Variants in SF3B3 observed in about 807,000 individuals in gnomAD.
The protein encoded by SF3B3 is splicing factor 3b subunit 3, also known as SAP 130.
SF3B3 carries 33 observed loss-of-function variants against 139.2 expected under a neutral mutation model. The observed-to-expected ratio is 0.24, with a 90% CI of 0.18 to 0.32. The LOEUF is 0.32. SF3B3 is among the 10% of genes least tolerant of loss of function. The pLI is 1.00. For missense variants in SF3B3, 818 were observed against 1,509.4 expected (o/e 0.54, Z 7.59); for synonymous variants, 596 against 563.6 (o/e 1.06, Z -0.81).
chr16:70,540,498 A>C (rs2050209454), intron 8 of SF3B3, among the ~76,000 whole-genome samples: 1 of 152,044 alleles, frequency 6.6e-6, no homozygotes, highest in Non-Finnish European at 1.5e-5. Context: ...GCTCAAGGTG[A>C]TCCTTCCATC....
chr16:70,548,531 A>G, intron 11 of SF3B3, 89 bp downstream of exon 11: 1 of 1,150,280 alleles, frequency 8.7e-7, no homozygotes, highest in Non-Finnish European at 1.3e-6. Flanking sequence ...ATACTTCTGT[A>G]TCATTTCATT....
intron 4 of SF3B3, among the ~76,000 whole-genome samples, chr16:70,531,313 T>C (rs1302595629): frequency 6.6e-6 from 1 of 152,182 alleles, no homozygotes; most frequent in African/African-American, 2.4e-5. Context: ...ATACCTTTTT[T>C]TCTTTTTTTT....
chr16:70,557,072 G>A (rs1174431206), intron 15 of SF3B3, 43 bp downstream of exon 15: 1 of 1,547,922 alleles, frequency 6.5e-7, no homozygotes, highest in South Asian at 1.2e-5. Flanking sequence ...TAGGCCTTCT[G>A]TACGTTTCAC....
intron 17 of SF3B3, among the ~76,000 whole-genome samples, chr16:70,562,739 C>T (rs957643443): frequency 2.6e-5 from 4 of 152,130 alleles, no homozygotes; most frequent in African/African-American, 9.7e-5. Flanking sequence ...GAACTTACTT[C>T]CCCCCAAAAC....
intron 10 of SF3B3, among the ~76,000 whole-genome samples, chr16:70,545,979 TTTTG>T (rs919017346): frequency 6.6e-6 from 1 of 152,160 alleles, no homozygotes; most frequent in Non-Finnish European, 1.5e-5. Context: ...GTTTTTGGTT[TTTTG>T]TTGTTGTTGT....
intron 15 of SF3B3, among the ~76,000 whole-genome samples, chr16:70,558,524 A>G (rs1438924667): frequency 6.6e-6 from 1 of 152,088 alleles, no homozygotes. Context: ...TTTTAAACCA[A>G]GTCTGAAATC....
Position 70,535,750 on chromosome 16 carries a change from G to GT in SF3B3, c.825+343dup, listed in dbSNP as rs566256558. 2.0e-3 allele frequency among the ~76,000 whole-genome samples: 286 copies of GT among 141,870 alleles called. 1 individual carries two copies. Among genetic ancestry groups the GT allele is most frequent in the South Asian group, 0.012 (54 of 4,486 alleles). 93.1% of individuals were successfully genotyped at this position (141,870 alleles called of 152,430 possible). A position where few individuals can be genotyped will look rare whatever the true frequency, so the allele number is the denominator to read the frequency against. ...GATAGGTTGCCTTTTATTCTATTTGGTTTTTTTTTTTTTCCAACATTTTTA... is the reference window on the plus strand; with the variant it reads ...GATAGGTTGCCTTTTATTCTATTTGGTTTTTTTTTTTTTTCCAACATTTTTA... On this transcript the variant is annotated intron_variant, in intron 6 of 25. Coordinates refer to ENST00000302516, the MANE Select transcript of SF3B3 (RefSeq NM_012426.5).
intron 10 of SF3B3, among the ~76,000 whole-genome samples, chr16:70,544,789 C>T (rs1039895908): frequency 2.0e-5 from 3 of 151,118 alleles, no homozygotes; most frequent in Non-Finnish European, 4.4e-5. Context: ...CTCTTGAGCT[C>T]AAGTGATTAT....
rs2050132471 is a variant in SF3B3, at chr16:70,532,637, G to T, written c.712+17G>T. ...TTATTACAGGTACTTTTCTTTCAGA[G>T]CTGCTTTGTACCCTTTTACTTGGTT... On this transcript the variant is annotated intron_variant, in intron 5 of 25. Coordinates refer to ENST00000302516, the MANE Select transcript of SF3B3 (RefSeq NM_012426.5). 6.2e-7 allele frequency: 1 copy of T among 1,613,464 alleles called. No homozygotes were observed. The highest frequency in any genetic ancestry group is 8.5e-7 in the Non-Finnish European group (1 of 1,179,554).
intron 10 of SF3B3, among the ~76,000 whole-genome samples, chr16:70,547,027 C>A (rs201655739): frequency 1.3e-5 from 2 of 148,800 alleles, no homozygotes. Context: ...GACTCCGTCT[C>A]AAAAAAAAAA....
intron 15 of SF3B3, among the ~76,000 whole-genome samples, chr16:70,557,714 G>A (rs574725065): frequency 2.2e-4 from 33 of 151,692 alleles, no homozygotes; most frequent in African/African-American, 6.5e-4. Context: ...ATGGGTTTTC[G>A]GTCTATTTTT....
Position 70,541,826 on chromosome 16 carries a change from T to G in SF3B3, c.1225T>G (p.Phe409Val). ...DELDSLSPIL[F>V]CQIADLANED... ...GTTGGACAGCCTCTCTCCCATTCTG[T>G]TTTGCCAGGTTGGTGGGCCTTTCCA... The change falls in exon 9 of 26, where the codon TTT becomes GTT. Residue 409 changes from phenylalanine to valine, a missense_variant. Physicochemically the swap from Phe to Val is conservative, Grantham distance 50. Around this residue, in one of 14 missense-constraint regions of SF3B3, gnomAD observed 26 missense variants for 25.5 expected, o/e 1.02. Coordinates refer to ENST00000302516, the MANE Select transcript of SF3B3 (RefSeq NM_012426.5). The G allele has an allele frequency of 1.2e-6, 2 of 1,613,224 alleles. No homozygotes were observed. Among genetic ancestry groups the G allele is most frequent in the South Asian group, 2.2e-5 (2 of 90,948 alleles).
rs1290997908 is a variant in SF3B3, at chr16:70,564,016, C to G, written c.2429C>G (p.Ala810Gly). The G allele has an allele frequency of 1.2e-6, 2 of 1,613,930 alleles. No individual in the cohort carries two copies. The part of the protein sequence containing the change: ...IETDHNAYTE[A>G]TKAQRKQQMA... Reference sequence around the variant, plus strand: ...ACGGACCACAATGCCTACACTGAGGCCACGAAAGCTCAGAGAAAGCAGCAG... The same window carrying G: ...ACGGACCACAATGCCTACACTGAGGGCACGAAAGCTCAGAGAAAGCAGCAG... Residue 810 changes from alanine to glycine, a missense_variant, in exon 18 of 26, where the codon GCC becomes GGC. Coordinates refer to ENST00000302516, the MANE Select transcript of SF3B3 (RefSeq NM_012426.5).
At chr16:70,540,189 G>T (rs1378719107) in intron 8 of SF3B3, among the ~76,000 whole-genome samples, 1 of 149,606 alleles carries the variant, frequency 6.7e-6, no homozygotes, top group African/African-American at 2.4e-5. Context: ...GAGGTCGGGA[G>T]TTCGAGACCA....
chr16:70,561,601 T>C, intron 16 of SF3B3, 29 bp from the exon 17 acceptor site: 15 of 1,605,640 alleles, frequency 9.3e-6, no homozygotes, highest in Non-Finnish European at 1.2e-5. Context: ...CCAAACCTTA[T>C]TGGAGCTGGG....
chr16:70,548,088 T>A (rs1209988245), intron 10 of SF3B3, among the ~76,000 whole-genome samples: 2 of 152,190 alleles, frequency 1.3e-5, no homozygotes, highest in African/African-American at 4.8e-5. Flanking sequence ...GTTCTGAGGA[T>A]GATCAAGGCA....
chr16:70,537,895 G>GAGACCTTGTCTTTAAA (rs1316959333), intron 6 of SF3B3: 4 of 396,452 alleles, frequency 1.0e-5, no homozygotes, highest in Non-Finnish European at 2.0e-5. Context: ...GCAACATAGT[G>GAGACCTTGTCTTTAAA]AGACCTTGTC....
chr16:70,566,486 C>G (rs1175007587), intron 20 of SF3B3, among the ~76,000 whole-genome samples: 1 of 151,880 alleles, frequency 6.6e-6, no homozygotes, highest in African/African-American at 2.4e-5. Flanking sequence ...CACTTGAACC[C>G]AGGAGGCAGA....
intron 11 of SF3B3, 65 bp from the exon 12 acceptor site, chr16:70,554,381 G>T (rs182887473): frequency 1.9e-5 from 28 of 1,504,680 alleles, no homozygotes; most frequent in Non-Finnish European, 2.5e-5. Flanking sequence ...AACTCTTAGT[G>T]TTTCATTTGG....
Sources: gnomAD v4.1 joint callset for allele counts (sites outside exome capture counted in the v4.1 genomes callset) on GRCh38, gnomAD v4.1.1 for gene constraint, gnomAD v4.1.1 regional missense constraint, MANE v1.5 for transcripts, NCBI Gene and HGNC (gene_info 2026-07-23, HGNC 2026-07-21) for gene names.